Variants in NSD2 observed in about 807,000 individuals in gnomAD.
NSD2 encodes nuclear receptor binding SET domain protein 2, also known as histone-lysine N-methyltransferase NSD2.
NSD2 carries 12 observed loss-of-function variants against 139.0 expected under a neutral mutation model. The ratio of observed to expected loss-of-function variants is 0.09; its 90% CI spans 0.06 to 0.14. NSD2 has a LOEUF of 0.14. NSD2 is among the 10% of genes least tolerant of loss of function. The pLI is 1.00. For synonymous variants in NSD2, 669 were observed against 648.7 expected (o/e 1.03, Z -0.48); for missense variants, 1,155 against 1,745.0 (o/e 0.66, Z 6.02).
intron 1 of NSD2, chr4:1,887,461 A>G (rs1209449126): frequency 1.3e-5 from 2 of 152,166 alleles, no homozygotes; most frequent in East Asian, 1.9e-4. Context: ...GTAGAGTGAC[A>G]AAGAATTATT....
chr4:1,922,292 G>C (rs1048528836), intron 5 of NSD2, among the ~76,000 whole-genome samples: 6 of 152,158 alleles, frequency 3.9e-5, no homozygotes, highest in Non-Finnish European at 7.4e-5. Flanking sequence ...TACAAGTGCA[G>C]CATCAAAGAG....
At chr4:1,916,825 C>A in intron 3 of NSD2, 46 bp from the exon 4 acceptor site, 1 of 1,568,906 alleles carries the variant, frequency 6.4e-7, no homozygotes, top group Non-Finnish European at 8.7e-7. Context: ...CTAGTTTCAT[C>A]CCAGATTCTA....
At chr4:1,964,630 GCGCTGCCGTTGTTATCACA>G (rs1394124210) in intron 18 of NSD2, among the ~76,000 whole-genome samples, 1 of 152,120 alleles carries the variant, frequency 6.6e-6, no homozygotes, top group African/African-American at 2.4e-5. Context: ...GAGGTGCGCT[GCGCTGCCGTTGTTATCACA>G]CCTCCCTCAG....
At chr4:1,909,223 C>A (rs1718343748) in intron 3 of NSD2, among the ~76,000 whole-genome samples, 1 of 152,120 alleles carries the variant, frequency 6.6e-6, no homozygotes, top group Non-Finnish European at 1.5e-5. Flanking sequence ...TCTGGTACAA[C>A]AAGATGTTCC....
chr4:1,970,603 A>AC (rs1726357536), intron 18 of NSD2, among the ~76,000 whole-genome samples: 2 of 152,032 alleles, frequency 1.3e-5, no homozygotes, highest in Admixed American at 1.3e-4. Flanking sequence ...GGGTAAGTTC[A>AC]CCCCCAACAC....
chr4:1,909,714 C>T, intron 3 of NSD2, among the ~76,000 whole-genome samples: 1 of 151,540 alleles, frequency 6.6e-6, no homozygotes, highest in East Asian at 1.9e-4. Flanking sequence ...GATCTCGGCT[C>T]ACTGCAACCT....
chr4:1,875,637 T>G (rs996749270), intron 1 of NSD2, among the ~76,000 whole-genome samples: 8 of 152,148 alleles, frequency 5.3e-5, no homozygotes, highest in Non-Finnish European at 7.4e-5. Context: ...GTGCAGTGGC[T>G]CACGCCTGTA....
intron 1 of NSD2, among the ~76,000 whole-genome samples, chr4:1,874,323 T>A (rs1486952260): frequency 2.6e-5 from 4 of 152,178 alleles, no homozygotes; most frequent in Admixed American, 1.3e-4. Flanking sequence ...GGCCTTTGTG[T>A]GGGCTGTTCT....
At chr4:1,917,729 G>A (rs1210233742) in intron 4 of NSD2, among the ~76,000 whole-genome samples, 2 of 151,808 alleles carry the variant, frequency 1.3e-5, no homozygotes, top group African/African-American at 4.8e-5. Context: ...GAACCACCAC[G>A]CTGGCCAAGT....
intron 9 of NSD2, chr4:1,946,882 T>A (rs1349991021): frequency 9.4e-7 from 1 of 1,058,916 alleles, no homozygotes; most frequent in Non-Finnish European, 1.1e-6. Context: ...AACTCCATGG[T>A]TACGTGTTAG....
At chr4:1,963,095 C>T (rs904772317) in intron 18 of NSD2, among the ~76,000 whole-genome samples, 2 of 152,160 alleles carry the variant, frequency 1.3e-5, no homozygotes, top group Admixed American at 6.5e-5. Flanking sequence ...GAACAAGCCC[C>T]AGTGACTCTT....
Position 1,942,240 on chromosome 4 carries a change from G to T in NSD2, c.1881+2462G>T, listed in dbSNP as rs1723177509. The T allele has an allele frequency of 6.5e-7, 1 of 1,550,112 alleles. No individual in the cohort carries two copies. On this transcript the variant is annotated intron_variant, in intron 9 of 21. Coordinates refer to ENST00000508803, the MANE Select transcript of NSD2 (RefSeq NM_001042424.3). The surrounding 1 kb of genome is among the most constrained non-coding windows in gnomAD (Gnocchi z 4.0). ...AAAATTACACACTTGCATGACAAAGGCCTGTGAAGGAATTAATGTGATTTA... is the reference window on the plus strand; with the variant it reads ...AAAATTACACACTTGCATGACAAAGTCCTGTGAAGGAATTAATGTGATTTA...
intron 5 of NSD2, 153 bp downstream of exon 5, chr4:1,918,776 C>A: frequency 9.5e-7 from 1 of 1,054,068 alleles, no homozygotes; most frequent in Non-Finnish European, 1.3e-6. Context: ...AGGGAACAGC[C>A]ATTCTGACCC....
intron 1 of NSD2, among the ~76,000 whole-genome samples, chr4:1,895,010 C>T (rs1021796720): frequency 1.3e-5 from 2 of 152,158 alleles, no homozygotes; most frequent in African/African-American, 2.4e-5. Context: ...TTCTGGGGAC[C>T]TCATGTACGT....
At chr4:1,938,405 T>TTTTTTTGTTTG in intron 7 of NSD2, 46 bp from the exon 8 acceptor site, 2 of 1,232,316 alleles carry the variant, frequency 1.6e-6, no homozygotes, top group Non-Finnish European at 2.1e-6. Context: ...TCTTTTCTTT[T>TTTTTTTGTTTG]TTTTTTCTTT....
At chr4:1,938,575 CA>C in intron 8 of NSD2, 43 bp downstream of exon 8, 2 of 1,450,176 alleles carry the variant, frequency 1.4e-6, no homozygotes, top group Non-Finnish European at 1.9e-6. Context: ...TCTGGGTGCC[CA>C]GGCTGGGCTG....
chr4:1,975,278 T>C lies in NSD2; in HGVS notation c.3515-16T>C. On this transcript the variant is annotated splice_polypyrimidine_tract_variant and intron_variant, in intron 19 of 21. Transcript: ENST00000508803. ...GCAGGTGTTTCCAATTTGGTGTCTG[T>C]CTCCTCTTCTCCCAGGGACGGAGCT... 1 of 1,613,332 alleles carries C rather than the reference T, an allele frequency of 6.2e-7. No homozygotes were observed. Among genetic ancestry groups the C allele is most frequent in the Admixed American group, 1.7e-5 (1 of 60,008 alleles).
chr4:1,938,306 C>A, intron 7 of NSD2, 145 bp from the exon 8 acceptor site: 1 of 653,990 alleles, frequency 1.5e-6, no homozygotes, highest in Non-Finnish European at 2.3e-6. Context: ...TGCCACGAAA[C>A]TTTTCAGCAA....
rs188689194 is a variant in NSD2, at chr4:1,917,322, G to C, written c.927+285G>C. 5.9e-3 allele frequency among the ~76,000 whole-genome samples: 904 copies of C among 152,158 alleles called. 4 individuals carry two copies. Among genetic ancestry groups the C allele is most frequent in the Non-Finnish European group, 8.5e-3 (578 of 68,006 alleles). On this transcript the variant is annotated intron_variant, in intron 4 of 21. Transcript: ENST00000508803. Reference sequence around the variant, plus strand: ...GTATATATGTGTATACACACACACAGACAGAGGGATTAATGTAATGTGATA... The same window carrying C: ...GTATATATGTGTATACACACACACACACAGAGGGATTAATGTAATGTGATA...
Sources: allele counts gnomAD v4.1 joint callset (sites outside exome capture counted in the v4.1 genomes callset), GRCh38; gene constraint gnomAD v4.1.1; non-coding constraint Gnocchi (gnomAD v3.1); transcripts MANE v1.5; gene names NCBI Gene and HGNC (gene_info 2026-07-23, HGNC 2026-07-21).